The following FER1L6 variants were observed in gnomAD, a reference collection of about 807,000 sequenced individuals.
FER1L6 encodes fer-1 like family member 6.
A neutral mutation model predicts 219.2 loss-of-function variants in FER1L6; 177 were observed. The observed-to-expected ratio is 0.81, with a 90% confidence interval of 0.71 to 0.91. The LOEUF is 0.91. Among genes scored for constraint, FER1L6 ranks in the 40% least tolerant of loss-of-function variants. FER1L6 has a pLI of 0.00. For missense variants in FER1L6, 2,153 were observed against 2,259.9 expected (o/e 0.95, Z 0.96); for synonymous variants, 768 against 824.3 (o/e 0.93, Z 1.17).
chr8:124,007,956 C>A (rs540593030), intron 13 of FER1L6, among the ~76,000 whole-genome samples: 1 of 152,108 alleles, frequency 6.6e-6, no homozygotes, highest in African/African-American at 2.4e-5. Flanking sequence ...TTGCCTTTTT[C>A]CATAGGTTTT....
rs573672981 is a variant in FER1L6, at chr8:123,967,739, C to T, written c.384+1449C>T. Among the ~76,000 whole-genome samples the T allele has an allele frequency of 7.2e-5, 11 of 152,208 alleles. No homozygotes were observed. In the South Asian group the frequency reaches 1.7e-3, roughly 23 times the overall value. On this transcript the variant is annotated intron_variant, in intron 5 of 40. Transcript: ENST00000522917. The stretch of plus-strand genomic sequence containing the variant: ...TTGGGAGGCCGAGGTGGGCAGATCA[C>T]GAGGTCAGGAGTTTGAGACCAGCCT...
intron 1 of FER1L6, among the ~76,000 whole-genome samples, chr8:123,937,870 C>G (rs1290482596): frequency 6.6e-6 from 1 of 152,010 alleles, no homozygotes; most frequent in Non-Finnish European, 1.5e-5. Context: ...AAAAAAACCC[C>G]AAGAGATGAC....
At chr8:123,881,657 C>T (rs563994595) in intron 1 of FER1L6, among the ~76,000 whole-genome samples, 3 of 152,246 alleles carry the variant, frequency 2.0e-5, no homozygotes, top group East Asian at 3.9e-4. Flanking sequence ...GCTTCAATAC[C>T]GTAGACCCTG....
At chr8:124,082,196 A>G (rs916966598) in intron 32 of FER1L6, 92 bp from the exon 33 acceptor site, 7 of 990,270 alleles carry the variant, frequency 7.1e-6, no homozygotes, top group Non-Finnish European at 9.1e-6. Flanking sequence ...ATGAGTTCAC[A>G]TGAATAGCGG....
intron 2 of FER1L6, among the ~76,000 whole-genome samples, chr8:123,962,679 G>A (rs944861015): frequency 1.3e-5 from 2 of 152,188 alleles, no homozygotes; most frequent in East Asian, 3.8e-4. Context: ...AGGCTAGAGT[G>A]AAGTGGCGCG....
At chr8:123,928,934 A>T (rs1813664972) in intron 1 of FER1L6, among the ~76,000 whole-genome samples, 1 of 152,160 alleles carries the variant, frequency 6.6e-6, no homozygotes, top group Admixed American at 6.5e-5. Flanking sequence ...AGGTGTTTTT[A>T]AGGGAAATGG....
At chr8:124,043,324 C>T (rs979340585) in intron 20 of FER1L6, among the ~76,000 whole-genome samples, 3 of 152,154 alleles carry the variant, frequency 2.0e-5, no homozygotes, top group Non-Finnish European at 2.9e-5. Flanking sequence ...CCAAGTCCAA[C>T]ATCAGGTAGG....
At chr8:123,924,590 G>T (rs953200192) in intron 1 of FER1L6, among the ~76,000 whole-genome samples, 1 of 152,032 alleles carries the variant, frequency 6.6e-6, no homozygotes, top group East Asian at 1.9e-4. Context: ...TGGAATATTC[G>T]GTTAATCAGG....
intron 21 of FER1L6, among the ~76,000 whole-genome samples, chr8:124,049,309 G>A (rs998194720): frequency 1.3e-5 from 2 of 152,142 alleles, no homozygotes; most frequent in South Asian, 2.1e-4. Context: ...GCCTTCTAAA[G>A]TGCTGGGATT....
At chr8:123,904,944 C>T (rs1051735234) in intron 1 of FER1L6, among the ~76,000 whole-genome samples, 1 of 152,156 alleles carries the variant, frequency 6.6e-6, no homozygotes, top group African/African-American at 2.4e-5. Context: ...AATATTTACA[C>T]CATGGAAATT....
chr8:124,063,512 TC>T (rs1820687938), intron 25 of FER1L6, among the ~76,000 whole-genome samples: 1 of 152,180 alleles, frequency 6.6e-6, no homozygotes, highest in South Asian at 2.1e-4. Flanking sequence ...AGCACCGTTT[TC>T]CCCCAAAGGG....
At chr8:123,876,805 G>T (rs1186267547) in intron 1 of FER1L6, among the ~76,000 whole-genome samples, 2 of 152,138 alleles carry the variant, frequency 1.3e-5, no homozygotes, top group African/African-American at 4.8e-5. Context: ...AATATATGCT[G>T]CATGAGGGCA....
chr8:123,866,012 A>G (rs1217953118), intron 1 of FER1L6, among the ~76,000 whole-genome samples: 1 of 150,736 alleles, frequency 6.6e-6, no homozygotes, highest in African/African-American at 2.5e-5. Context: ...TCCCCCCCAC[A>G]TTTTCTTAAT....
intron 16 of FER1L6, among the ~76,000 whole-genome samples, chr8:124,019,001 T>C (rs1051412960): frequency 6.6e-6 from 1 of 152,244 alleles, no homozygotes; most frequent in Admixed American, 6.5e-5. Context: ...TTCTAGAGTA[T>C]GGCAAAAGTC....
intron 1 of FER1L6, among the ~76,000 whole-genome samples, chr8:123,954,590 A>T (rs1443955221): frequency 6.6e-6 from 1 of 152,204 alleles, no homozygotes; most frequent in Non-Finnish European, 1.5e-5. Flanking sequence ...TTGAGGAAAT[A>T]GTATGTTCCA....
intron 18 of FER1L6, among the ~76,000 whole-genome samples, chr8:124,026,766 G>A (rs1818725252): frequency 6.6e-6 from 1 of 151,264 alleles, no homozygotes; most frequent in South Asian, 2.1e-4. Context: ...ATGAGAAGCA[G>A]TGTGGGATAA....
At chr8:123,927,940 G>T (rs1389464522) in intron 1 of FER1L6, among the ~76,000 whole-genome samples, 8 of 152,034 alleles carry the variant, frequency 5.3e-5, no homozygotes, top group Non-Finnish European at 1.0e-4. Flanking sequence ...AGAAATGGAT[G>T]CAATGTGCAT....
intron 1 of FER1L6, among the ~76,000 whole-genome samples, chr8:123,856,983 C>A (rs925075849): frequency 6.6e-6 from 1 of 152,038 alleles, no homozygotes; most frequent in Non-Finnish European, 1.5e-5. Flanking sequence ...ACAGTAGATT[C>A]CATTCATCTC....
intron 39 of FER1L6, among the ~76,000 whole-genome samples, chr8:124,106,361 A>AAAC (rs1822776675): frequency 2.5e-5 from 3 of 122,000 alleles, no homozygotes; most frequent in East Asian, 4.8e-4. Context: ...AAAAAAAAAA[A>AAAC]CAGAGTGGAC....
Sources: allele counts gnomAD v4.1 joint callset (sites outside exome capture counted in the v4.1 genomes callset), GRCh38; gene constraint gnomAD v4.1.1; transcripts MANE v1.5; gene names NCBI Gene and HGNC (gene_info 2026-07-23, HGNC 2026-07-21).